CAPZA2: variants seen among roughly 807,000 people sequenced by gnomAD.
CAPZA2 encodes capping actin protein of muscle Z-line subunit alpha 2, also known as F-actin-capping protein subunit alpha-2.
In CAPZA2, 13 loss-of-function variants were observed where a neutral mutation model predicts 44.0. That is an observed-to-expected ratio of 0.30 (90% CI 0.19 to 0.47). CAPZA2 has a LOEUF of 0.47. Among genes scored for constraint, CAPZA2 ranks in the 20% least tolerant of loss-of-function variants. The pLI is 1.00. For synonymous variants in CAPZA2, 94 were observed against 108.2 expected (o/e 0.87, Z 0.81); for missense variants, 244 against 338.6 (o/e 0.72, Z 2.19).
At chr7:116,893,682 A>G (rs1364234264) in intron 3 of CAPZA2, among the ~76,000 whole-genome samples, 2 of 152,078 alleles carry the variant, frequency 1.3e-5, no homozygotes, top group East Asian at 3.9e-4. Context: ...TAGATTTTGC[A>G]TTTTCTTTTA....
In CAPZA2 at chr7:116,918,656, T is replaced by C. The variant is rs1370500175; in HGVS notation, c.*789T>C. ...ATATATAATCCTGAACTCATGACCA[T>C]GTCTCGGTTTATTTTTTTTTTCTTG... is the stretch of plus-strand genomic sequence containing the variant. On this transcript the variant is annotated 3_prime_UTR_variant, in exon 10 of 10. Transcript: ENST00000361183. 6.6e-6 allele frequency: 1 copy of C among 152,544 alleles called. No individual in the cohort carries two copies. The highest frequency in any genetic ancestry group is 1.5e-5 in the Non-Finnish European group (1 of 68,032). 9.4% of individuals were successfully genotyped at this position (152,544 alleles called of 1,614,324 possible).
intron 4 of CAPZA2, among the ~76,000 whole-genome samples, chr7:116,900,062 A>G (rs899685861): frequency 6.6e-6 from 1 of 151,864 alleles, no homozygotes; most frequent in African/African-American, 2.4e-5. Flanking sequence ...CTTATGATGT[A>G]TCAATAGACA....
chr7:116,880,706 T>G (rs1796685480), intron 1 of CAPZA2, among the ~76,000 whole-genome samples: 1 of 76,602 alleles, frequency 1.3e-5, no homozygotes. Context: ...CTTTTTTTTT[T>G]TTTTTTTTTT....
intron 3 of CAPZA2, among the ~76,000 whole-genome samples, chr7:116,897,288 A>G (rs999579346): frequency 7.2e-5 from 11 of 152,170 alleles, no homozygotes; most frequent in South Asian, 2.1e-4. Flanking sequence ...TATTGAGTTT[A>G]TTCTTAGGAA....
intron 8 of CAPZA2, among the ~76,000 whole-genome samples, chr7:116,913,303 A>G (rs1302203893): frequency 6.6e-6 from 1 of 152,070 alleles, no homozygotes; most frequent in Non-Finnish European, 1.5e-5. Context: ...GTCATTTGAG[A>G]TTTGAAATAT....
chr7:116,916,202 G>A (rs1334828971), intron 9 of CAPZA2, 80 bp downstream of exon 9: 6 of 1,384,176 alleles, frequency 4.3e-6, no homozygotes, highest in Non-Finnish European at 5.7e-6. Context: ...GCCAAAGGCT[G>A]AATTTTTCCA....
At chr7:116,892,032 T>C (rs73210103) in intron 2 of CAPZA2, among the ~76,000 whole-genome samples, 606 of 152,354 alleles carry the variant, frequency 4.0e-3, no homozygotes, top group Non-Finnish European at 6.9e-3. Context: ...CTAACAAGTA[T>C]ATTTAACAAT....
intron 1 of CAPZA2, among the ~76,000 whole-genome samples, chr7:116,868,025 A>G (rs1796504817): frequency 6.6e-6 from 1 of 152,210 alleles, no homozygotes; most frequent in African/African-American, 2.4e-5. Context: ...TAAGCGCACA[A>G]TAAATGGTAG....
chr7:116,884,923 T>C (rs973410947), intron 1 of CAPZA2, among the ~76,000 whole-genome samples: 1 of 152,178 alleles, frequency 6.6e-6, no homozygotes, highest in African/African-American at 2.4e-5. Context: ...TTATGTCCTT[T>C]TTATTTTAGC....
At chr7:116,894,703 C>T (rs146549524) in intron 3 of CAPZA2, among the ~76,000 whole-genome samples, 387 of 152,196 alleles carry the variant, frequency 2.5e-3, no homozygotes, top group Non-Finnish European at 4.5e-3. Context: ...TATTCAACTA[C>T]CTATGAATTT....
chr7:116,887,399 G>A (rs897453697), intron 1 of CAPZA2, among the ~76,000 whole-genome samples: 9 of 152,004 alleles, frequency 5.9e-5, no homozygotes, highest in South Asian at 2.1e-4. Flanking sequence ...GTGGTGGCAC[G>A]TGCCTGTAGT....
At chr7:116,906,982 G>A (rs1791522945) in intron 6 of CAPZA2, among the ~76,000 whole-genome samples, 1 of 152,166 alleles carries the variant, frequency 6.6e-6, no homozygotes, top group South Asian at 2.1e-4. Flanking sequence ...GGTTCTTTAA[G>A]ACTTTACAAG....
intron 5 of CAPZA2, chr7:116,904,897 G>C (rs897993717): frequency 2.6e-5 from 4 of 151,470 alleles, no homozygotes; most frequent in African/African-American, 9.7e-5. Context: ...TTGGGAGGCC[G>C]AGGCAGGTGG....
At chr7:116,879,124 C>CAAAAAAAAAA (rs71148337) in intron 1 of CAPZA2, among the ~76,000 whole-genome samples, 9 of 45,300 alleles carry the variant, frequency 2.0e-4, no homozygotes, top group Admixed American at 2.9e-4. Context: ...AACTCTGTCT[C>CAAAAAAAAAA]AAAAAAAAAA....
intron 1 of CAPZA2, among the ~76,000 whole-genome samples, chr7:116,870,730 G>C (rs993531735): frequency 3.9e-5 from 6 of 152,136 alleles, no homozygotes; most frequent in Admixed American, 6.5e-5. Context: ...TTTAGGACCT[G>C]GTTTAAGTTC....
chr7:116,878,538 G>A (rs148317106), intron 1 of CAPZA2, among the ~76,000 whole-genome samples: 162 of 152,230 alleles, frequency 1.1e-3, no homozygotes, highest in Non-Finnish European at 1.8e-3. Flanking sequence ...AGTTAAAATA[G>A]AAACAAAATC....
At chr7:116,873,931 A>T (rs536378564) in intron 1 of CAPZA2, 8 of 153,202 alleles carry the variant, frequency 5.2e-5, no homozygotes, top group African/African-American at 1.9e-4. Flanking sequence ...TGTGAAGCTT[A>T]TGTTCATCCA....
chr7:116,890,027 A>T (rs1796811180), intron 2 of CAPZA2, among the ~76,000 whole-genome samples: 2 of 152,228 alleles, frequency 1.3e-5, no homozygotes, highest in Admixed American at 1.3e-4. Context: ...CATGTAACTT[A>T]AATTGATAAT....
chr7:116,913,894 T>A (rs1367984698), intron 8 of CAPZA2, among the ~76,000 whole-genome samples: 1 of 151,710 alleles, frequency 6.6e-6, no homozygotes, highest in Non-Finnish European at 1.5e-5. Flanking sequence ...TTTTGGTTTT[T>A]TTGCCCCATG....
Sources: gnomAD v4.1 joint callset for allele counts (sites outside exome capture counted in the v4.1 genomes callset) on GRCh38, gnomAD v4.1.1 for gene constraint, MANE v1.5 for transcripts, NCBI Gene and HGNC (gene_info 2026-07-23, HGNC 2026-07-21) for gene names.